Variants in IMPG1 observed in about 807,000 individuals in gnomAD.
The protein encoded by IMPG1 is interphotoreceptor matrix proteoglycan 1.
A neutral mutation model predicts 92.0 loss-of-function variants in IMPG1; 85 were observed. The ratio of observed to expected loss-of-function variants is 0.92; its 90% CI spans 0.78 to 1.11. The LOEUF (loss-of-function observed/expected upper bound fraction) is 1.11. Among genes scored for constraint, IMPG1 ranks in the 50% least tolerant of loss-of-function variants. The pLI, the probability that IMPG1 is intolerant of heterozygous loss-of-function variation, is 0.00. For synonymous variants in IMPG1, 367 were observed against 334.1 expected (o/e 1.10, Z -1.08); for missense variants, 1,022 against 956.0 (o/e 1.07, Z -0.91).
At chr6:76,024,774 TG>T (rs1230518966) in intron 5 of IMPG1, 22 of 289,242 alleles carry the variant, frequency 7.6e-5, no homozygotes, top group South Asian at 6.9e-4. Flanking sequence ...GACATCCATA[TG>T]GATGCAACAG....
At chr6:76,060,915 T>C (rs1011408329) in intron 1 of IMPG1, among the ~76,000 whole-genome samples, 3 of 152,168 alleles carry the variant, frequency 2.0e-5, no homozygotes, top group African/African-American at 7.2e-5. Context: ...TAGAGACTAC[T>C]GTGAAAAATA....
intron 4 of IMPG1, among the ~76,000 whole-genome samples, chr6:76,027,029 A>G (rs541734244): frequency 2.8e-4 from 42 of 152,328 alleles, no homozygotes; most frequent in Admixed American, 9.8e-4. Context: ...ACGTCTGTCA[A>G]AGAGCTGTAA....
chr6:76,064,986 G>A (rs139562573), intron 1 of IMPG1, among the ~76,000 whole-genome samples: 1 of 152,208 alleles, frequency 6.6e-6, no homozygotes, highest in East Asian at 1.9e-4. Context: ...GTCATTGCCA[G>A]TGAAAGCACC....
At chr6:76,041,591 G>A (rs1251876667) in intron 2 of IMPG1, among the ~76,000 whole-genome samples, 3 of 152,096 alleles carry the variant, frequency 2.0e-5, no homozygotes, top group African/African-American at 7.2e-5. Context: ...ATGGAATATT[G>A]AGCATTGGCA....
At chr6:76,068,510 CTTTTTTT>C (rs1160277573) in intron 1 of IMPG1, among the ~76,000 whole-genome samples, 4 of 110,182 alleles carry the variant, frequency 3.6e-5, no homozygotes, top group South Asian at 3.0e-4. Context: ...AATGTCCATA[CTTTTTTT>C]TTTTTTTTTT....
intron 1 of IMPG1, among the ~76,000 whole-genome samples, chr6:76,056,313 A>AT (rs1784119639): frequency 1.3e-5 from 2 of 152,116 alleles, no homozygotes; most frequent in Admixed American, 6.6e-5. Flanking sequence ...AGAATTAGAA[A>AT]TTTTCTTTAC....
At chr6:76,062,116 G>C (rs1455988391) in intron 1 of IMPG1, among the ~76,000 whole-genome samples, 1 of 152,074 alleles carries the variant, frequency 6.6e-6, no homozygotes, top group Non-Finnish European at 1.5e-5. Flanking sequence ...TCATCTAAGG[G>C]CATAGGAAAA....
chr6:75,971,277 A>G (rs921187719), intron 12 of IMPG1, among the ~76,000 whole-genome samples: 9 of 140,872 alleles, frequency 6.4e-5, no homozygotes, highest in African/African-American at 2.1e-4. Context: ...ATGAGAATAC[A>G]TGGACACAGG....
intron 9 of IMPG1, 29 bp from the exon 10 acceptor site, chr6:76,005,563 C>T (rs1448451601): frequency 1.2e-6 from 2 of 1,607,004 alleles, no homozygotes; most frequent in Admixed American, 1.7e-5. Flanking sequence ...ACATTCCCCA[C>T]CCAAAGCCAT....
At chr6:75,964,194 T>C (rs1039457771) in intron 12 of IMPG1, among the ~76,000 whole-genome samples, 1 of 152,194 alleles carries the variant, frequency 6.6e-6, no homozygotes, top group Admixed American at 6.5e-5. Context: ...ACCTTCAAAG[T>C]TCTGCAAAAG....
At chr6:76,023,718 A>G (rs1432153933) in intron 5 of IMPG1, among the ~76,000 whole-genome samples, 1 of 152,174 alleles carries the variant, frequency 6.6e-6, no homozygotes, top group Admixed American at 6.5e-5. Flanking sequence ...ATTATAATAT[A>G]TGAATTGTCC....
chr6:75,971,803 A>C (rs967721771), intron 12 of IMPG1, among the ~76,000 whole-genome samples: 3 of 152,198 alleles, frequency 2.0e-5, no homozygotes, highest in African/African-American at 7.2e-5. Flanking sequence ...ATTCTTGTTC[A>C]TAGAAATGCA....
Position 75,921,900 on chromosome 6 carries a change from T to C in IMPG1, c.*189A>G, listed in dbSNP as rs1170528305. 4 of 429,834 alleles carry C rather than the reference T, an allele frequency of 9.3e-6. No individual in the cohort carries two copies. The Admixed American group carries it at 1.9e-4, about 20-fold the overall frequency. The allele number at this position is 429,834 out of a possible 1,614,324, so 26.6% of individuals were successfully genotyped here. ...GGTTTTAATAATAAGTAAGTGTCTT[T>C]TTCTTCAGAATTTACTGGTTGCCAA... is the stretch of plus-strand genomic sequence containing the variant. On this transcript the variant is annotated 3_prime_UTR_variant, in exon 17 of 17. Transcript: ENST00000369950.
intron 13 of IMPG1, among the ~76,000 whole-genome samples, chr6:75,949,591 A>G (rs1180132967): frequency 6.6e-6 from 1 of 152,130 alleles, no homozygotes; most frequent in African/African-American, 2.4e-5. Flanking sequence ...TTCACTTTGC[A>G]CTGTGGACTT....
At chr6:76,010,180 T>A (rs962946485) in intron 8 of IMPG1, among the ~76,000 whole-genome samples, 5 of 152,246 alleles carry the variant, frequency 3.3e-5, no homozygotes, top group African/African-American at 4.8e-5. Flanking sequence ...AGCTATTTCT[T>A]TTTCTGGGCC....
At chr6:76,020,213 C>G (rs990370713) in intron 6 of IMPG1, among the ~76,000 whole-genome samples, 2 of 151,994 alleles carry the variant, frequency 1.3e-5, no homozygotes, top group Non-Finnish European at 2.9e-5. Flanking sequence ...CCACCATGCC[C>G]AGGTAATTTT....
At chr6:75,980,861 G>C (rs1185257833) in intron 12 of IMPG1, among the ~76,000 whole-genome samples, 1 of 152,076 alleles carries the variant, frequency 6.6e-6, no homozygotes, top group Non-Finnish European at 1.5e-5. Context: ...TATCCTATTA[G>C]TTCTGTCCCT....
At chr6:75,974,187 C>T (rs1284795531) in intron 12 of IMPG1, among the ~76,000 whole-genome samples, 1 of 152,104 alleles carries the variant, frequency 6.6e-6, no homozygotes, top group Non-Finnish European at 1.5e-5. Context: ...AAATTTTTTA[C>T]TCTATAAAAG....
chr6:76,070,573 C>T (rs186347138), intron 1 of IMPG1, among the ~76,000 whole-genome samples: 5 of 152,100 alleles, frequency 3.3e-5, no homozygotes, highest in East Asian at 3.9e-4. Flanking sequence ...CCCTAGTGAA[C>T]GTTAACTAAT....
Sources: allele counts gnomAD v4.1 joint callset (sites outside exome capture counted in the v4.1 genomes callset), GRCh38; gene constraint gnomAD v4.1.1; transcripts MANE v1.5; gene names NCBI Gene and HGNC (gene_info 2026-07-23, HGNC 2026-07-21).